SCNN1B: variants seen among roughly 807,000 people sequenced by gnomAD.
SCNN1B encodes the protein sodium channel epithelial 1 subunit beta.
In SCNN1B, 46 loss-of-function variants were observed where a neutral mutation model predicts 65.3. The observed-to-expected ratio is 0.70, with a 90% CI of 0.56 to 0.90. The LOEUF is 0.90. Among genes scored for constraint, SCNN1B ranks in the 40% least tolerant of loss-of-function variants. The pLI is 0.00. For missense variants in SCNN1B, 751 were observed against 830.5 expected (o/e 0.90, Z 1.18); for synonymous variants, 349 against 330.6 (o/e 1.06, Z -0.60).
Position 23,380,401 on chromosome 16 carries a change from C to T in SCNN1B, c.1543-20C>T, listed in dbSNP as rs373968041. 53 of 1,613,914 alleles carry T rather than the reference C, an allele frequency of 3.3e-5. No individual in the cohort carries two copies. Among genetic ancestry groups the T allele is most frequent in the Non-Finnish European group, 4.4e-5 (52 of 1,180,034 alleles). On this transcript the variant is annotated intron_variant, in intron 12 of 12. Coordinates refer to ENST00000343070, the MANE Select transcript of SCNN1B (RefSeq NM_000336.3). This position sits in a 1 kb window ranked among gnomAD's most constrained non-coding sequence, Gnocchi z 5.4. ...AAGAATGTGTGGCCTGAGCTCACCCCAGCTCCCTGTTCCCCACAGATCGTC... is the reference window on the plus strand; with the variant it reads ...AAGAATGTGTGGCCTGAGCTCACCCTAGCTCCCTGTTCCCCACAGATCGTC...
At chr16:23,355,234 G>T in intron 3 of SCNN1B, 65 bp from the exon 4 acceptor site, 1 of 1,525,538 alleles carries the variant, frequency 6.6e-7, no homozygotes. Flanking sequence ...GGGCCCTCGA[G>T]CAGTGGCTGG....
intron 7 of SCNN1B, among the ~76,000 whole-genome samples, chr16:23,374,641 GGCCAT>G: frequency 6.6e-6 from 1 of 150,686 alleles, no homozygotes; most frequent in East Asian, 1.9e-4. Flanking sequence ...GGCTCCTCCT[GGCCAT>G]GCCGTTTAAT....
intron 1 of SCNN1B, among the ~76,000 whole-genome samples, chr16:23,337,678 C>G (rs192275055): frequency 3.9e-5 from 6 of 152,044 alleles, no homozygotes; most frequent in Admixed American, 3.3e-4. Flanking sequence ...GTGCTTGGCC[C>G]CAGGTTTCTT....
intron 1 of SCNN1B, among the ~76,000 whole-genome samples, chr16:23,322,072 GCCCCGACACAAACTCTCTCCCATTC>G (rs952510169): frequency 6.6e-6 from 1 of 152,048 alleles, no homozygotes; most frequent in Non-Finnish European, 1.5e-5. Context: ...TATGTAAACT[GCCCCGACACAAACTCTCTCCCATTC>G]CCTTGGAGCC....
intron 2 of SCNN1B, among the ~76,000 whole-genome samples, chr16:23,351,059 G>A (rs1244979872): frequency 6.6e-6 from 1 of 152,184 alleles, no homozygotes; most frequent in Non-Finnish European, 1.5e-5. Flanking sequence ...TGGCCAACAT[G>A]GTGAGACAGC....
rs56061706 is a variant in SCNN1B, at chr16:23,331,009, T to A, written c.-8-17583T>A. Reference sequence around the variant, plus strand: ...TGAAAGGTGTGGCCAGCGTTCTTTATCACCAGCCAGCAGCTTTCATCTGAG... The same window carrying A: ...TGAAAGGTGTGGCCAGCGTTCTTTAACACCAGCCAGCAGCTTTCATCTGAG... On this transcript the variant is annotated intron_variant, in intron 1 of 12. Transcript: ENST00000343070. 2.3e-3 allele frequency among the ~76,000 whole-genome samples: 347 copies of A among 152,330 alleles called. 1 individual carries two copies. The highest frequency in any genetic ancestry group is 3.9e-3 in the Non-Finnish European group (266 of 68,016).
chr16:23,348,661 C>A lies in SCNN1B; in HGVS notation c.62C>A (p.Thr21Lys). The A allele has an allele frequency of 6.2e-7, 1 of 1,613,836 alleles. No individual in the cohort carries two copies. ...LHRLQKGPGY[T>K]YKELLVWYCD... is the part of the protein sequence containing the mutation. ...CGGCTGCAGAAGGGCCCCGGCTACA[C>A]GTACAAGGAGCTGCTGGTGTGGTAC... is the stretch of plus-strand genomic sequence containing the variant. Residue 21 changes from threonine to lysine, a missense_variant, in exon 2 of 13, where the codon ACG becomes AAG. Physicochemically the swap from Thr to Lys is moderately conservative, Grantham distance 78. Coordinates refer to ENST00000343070, the MANE Select transcript of SCNN1B (RefSeq NM_000336.3). This position sits in a 1 kb window ranked among gnomAD's most constrained non-coding sequence, Gnocchi z 4.5.
intron 1 of SCNN1B, among the ~76,000 whole-genome samples, chr16:23,321,986 C>T (rs542104045): frequency 6.6e-6 from 1 of 152,120 alleles, no homozygotes; most frequent in South Asian, 2.1e-4. Flanking sequence ...GATAGCACCA[C>T]TGTACTCTGG....
intron 2 of SCNN1B, among the ~76,000 whole-genome samples, chr16:23,291,836 C>T (rs1960930038): frequency 6.6e-6 from 1 of 151,786 alleles, no homozygotes; most frequent in South Asian, 2.1e-4. Context: ...CCACCTCGGC[C>T]TCCCAAAGTG....
chr16:23,323,182 G>A (rs1166355999), intron 1 of SCNN1B, among the ~76,000 whole-genome samples: 1 of 151,778 alleles, frequency 6.6e-6, no homozygotes, highest in Non-Finnish European at 1.5e-5. Flanking sequence ...TGGGTGACAG[G>A]AGTGAAACTC....
At chr16:23,289,366 G>A (rs1220051620) in intron 2 of SCNN1B, among the ~76,000 whole-genome samples, 1 of 152,170 alleles carries the variant, frequency 6.6e-6, no homozygotes, top group Non-Finnish European at 1.5e-5. Flanking sequence ...ACCAGCCTGG[G>A]CAATGTAGCA....
chr16:23,296,207 G>T (rs535469850), intron 2 of SCNN1B, among the ~76,000 whole-genome samples: 1 of 152,250 alleles, frequency 6.6e-6, no homozygotes, highest in African/African-American at 2.4e-5. Flanking sequence ...AGAGGCCCAG[G>T]CTGGGTATGG....
chr16:23,372,728 C>T (rs1172858188), intron 7 of SCNN1B, among the ~76,000 whole-genome samples: 1 of 149,700 alleles, frequency 6.7e-6, no homozygotes, highest in Non-Finnish European at 1.5e-5. Context: ...CTCCTGACCT[C>T]GTGATCCACC....
At chr16:23,375,621 C>A in intron 7 of SCNN1B, 117 bp from the exon 8 acceptor site, 2 of 800,680 alleles carry the variant, frequency 2.5e-6, no homozygotes, top group Non-Finnish European at 4.5e-6. Flanking sequence ...GCACCTCCAC[C>A]AGCTCACCTA....
Position 23,374,914 on chromosome 16 carries a change from T to C in SCNN1B, c.1153-824T>C, listed in dbSNP as rs1304887314. On this transcript the variant is annotated intron_variant, in intron 7 of 12. Coordinates refer to ENST00000343070, the MANE Select transcript of SCNN1B (RefSeq NM_000336.3). ...GAAACACCAAGAACCACTGCCTCCA[T>C]CCGTGCAGCGCTTCCTGAGCACCTG... 2.6e-5 allele frequency among the ~76,000 whole-genome samples: 4 copies of C among 152,152 alleles called. No homozygotes were observed. The South Asian group carries it at 8.3e-4, about 32-fold the overall frequency.
intron 2 of SCNN1B, among the ~76,000 whole-genome samples, chr16:23,352,240 G>C (rs1962324150): frequency 6.6e-6 from 1 of 152,230 alleles, no homozygotes; most frequent in Non-Finnish European, 1.5e-5. Flanking sequence ...GTGAATGAAT[G>C]AGTGCATGGG....
chr16:23,317,614 C>A (rs1180458357), intron 1 of SCNN1B, among the ~76,000 whole-genome samples: 1 of 152,190 alleles, frequency 6.6e-6, no homozygotes, highest in Non-Finnish European at 1.5e-5. Flanking sequence ...GAGGAGCTCT[C>A]AGGGAAAACT....
chr16:23,322,790 T>G (rs1375906015), intron 1 of SCNN1B, among the ~76,000 whole-genome samples: 1 of 152,174 alleles, frequency 6.6e-6, no homozygotes, highest in Non-Finnish European at 1.5e-5. Flanking sequence ...TACTTAATTG[T>G]GGAAAATACA....
intron 2 of SCNN1B, 94 bp downstream of exon 2, chr16:23,349,004 T>A (rs1962251942): frequency 9.8e-7 from 1 of 1,020,768 alleles, no homozygotes; most frequent in African/African-American, 1.6e-5. Flanking sequence ...CTTCCTTTCC[T>A]TCCTTCTCCT....
Sources: allele counts gnomAD v4.1 joint callset (sites outside exome capture counted in the v4.1 genomes callset), GRCh38; gene constraint gnomAD v4.1.1; non-coding constraint Gnocchi (gnomAD v3.1); transcripts MANE v1.5; gene names NCBI Gene and HGNC (gene_info 2026-07-23, HGNC 2026-07-21).